SLC35F4: variants seen among roughly 807,000 people sequenced by gnomAD.
SLC35F4 encodes the protein solute carrier family 35 member F4, also known as chromosome 14 open reading frame 36.
Under a neutral mutation model 44.2 loss-of-function variants are expected in SLC35F4, and 24 were observed. That is an observed-to-expected ratio of 0.54 (90% CI 0.39 to 0.76). The LOEUF (loss-of-function observed/expected upper bound fraction) is 0.76, where lower values mean the gene tolerates loss of function less well. Ranked by LOEUF, SLC35F4 falls within the 30% of genes least tolerant of loss-of-function variation. SLC35F4 has a pLI of 0.00. For missense variants in SLC35F4, 562 were observed against 586.1 expected (o/e 0.96, Z 0.42); for synonymous variants, 238 against 223.6 (o/e 1.06, Z -0.57).
At chr14:57,600,705 A>AC (rs1348731117) in intron 1 of SLC35F4, among the ~76,000 whole-genome samples, 46 of 148,176 alleles carry the variant, frequency 3.1e-4, no homozygotes, top group African/African-American at 1.1e-3. Context: ...AAAAAAAAAA[A>AC]AAAAAAAAAA....
chr14:57,618,700 C>G (rs923270759), intron 1 of SLC35F4, among the ~76,000 whole-genome samples: 6 of 152,208 alleles, frequency 3.9e-5, no homozygotes, highest in Admixed American at 3.9e-4. Flanking sequence ...ACCACTCACT[C>G]CCCTGGAAAG....
In SLC35F4 at chr14:57,672,125, A is replaced by G. The variant is rs573521653; in HGVS notation, c.104-78001T>C. On this transcript the variant is annotated intron_variant, in intron 1 of 7. Coordinates refer to ENST00000556826, the MANE Select transcript of SLC35F4 (RefSeq NM_001306087.2). Reference sequence around the variant, plus strand: ...CAATGATTTACTTTACCCATAGAACATATCAAGAACATTTTCTGAGGTGGA... The same window carrying G: ...CAATGATTTACTTTACCCATAGAACGTATCAAGAACATTTTCTGAGGTGGA... 2.6e-5 allele frequency among the ~76,000 whole-genome samples: 4 copies of G among 152,206 alleles called. No homozygotes were observed. The East Asian group carries it at 5.8e-4, about 22-fold the overall frequency.
At chr14:57,755,006 G>A (rs2076964083) in intron 1 of SLC35F4, among the ~76,000 whole-genome samples, 2 of 152,146 alleles carry the variant, frequency 1.3e-5, no homozygotes, top group Non-Finnish European at 2.9e-5. Context: ...AGGGAGCCCG[G>A]GCCCAGCAAT....
Position 57,705,240 on chromosome 14 carries a change from C to A in SLC35F4, c.104-111116G>T, listed in dbSNP as rs866940302. Among the ~76,000 whole-genome samples, 3 of 152,000 alleles carry A rather than the reference C, an allele frequency of 2.0e-5. No homozygotes were observed. In the East Asian group the frequency reaches 5.8e-4, roughly 29 times the overall value. On this transcript the variant is annotated intron_variant, in intron 1 of 7. Coordinates refer to ENST00000556826, the MANE Select transcript of SLC35F4 (RefSeq NM_001306087.2). ...GAATCAAACCTACTGCAAATGGAATCAAAAAGATCTTATTTTACTCAATAA... is the reference window on the plus strand; with the variant it reads ...GAATCAAACCTACTGCAAATGGAATAAAAAAGATCTTATTTTACTCAATAA...
chr14:57,644,461 G>GTT (rs36133820), intron 1 of SLC35F4, among the ~76,000 whole-genome samples: 40 of 148,548 alleles, frequency 2.7e-4, no homozygotes, highest in Middle Eastern at 3.4e-3. Flanking sequence ...TTTTTGATGG[G>GTT]TTTTTTTTTT....
intron 1 of SLC35F4, among the ~76,000 whole-genome samples, chr14:57,725,978 A>G (rs2140453180): frequency 6.6e-6 from 1 of 152,304 alleles, no homozygotes; most frequent in East Asian, 1.9e-4. Flanking sequence ...TGCCTCCAGG[A>G]GACACAACAA....
intron 1 of SLC35F4, among the ~76,000 whole-genome samples, chr14:57,594,473 A>AT (rs11415016): frequency 0.42 from 63,914 of 151,984 alleles, 13,841 homozygotes; most frequent in Admixed American, 0.49. Flanking sequence ...TAATGAGCTT[A>AT]TTCAAATTCT....
rs572054640 is a variant in SLC35F4, at chr14:57,947,140, T to C, written n.282+34773A>G. 2.0e-4 allele frequency among the ~76,000 whole-genome samples: 31 copies of C among 152,330 alleles called. 1 individual carries two copies. In the South Asian group the frequency reaches 6.0e-3, roughly 30 times the overall value. Reference sequence around the variant, plus strand: ...TGGGATATGTTTCCATTTGTTTGTATCATTTATGATTTCTTTCAGCAGTGT... The same window carrying C: ...TGGGATATGTTTCCATTTGTTTGTACCATTTATGATTTCTTTCAGCAGTGT... On this transcript the variant is annotated intron_variant and non_coding_transcript_variant, in intron 1 of 1. Coordinates refer to the SLC35F4 transcript ENST00000556568.
intron 1 of SLC35F4, among the ~76,000 whole-genome samples, chr14:57,899,887 G>A (rs766021507): frequency 1.2e-4 from 18 of 152,106 alleles, no homozygotes; most frequent in Non-Finnish European, 2.1e-4. Context: ...GTGGTAGAAA[G>A]GTTTATTGTG....
chr14:57,897,800 T>A (rs1199519707), intron 1 of SLC35F4, among the ~76,000 whole-genome samples: 1 of 152,194 alleles, frequency 6.6e-6, no homozygotes, highest in Non-Finnish European at 1.5e-5. Context: ...TGCTTCTAAA[T>A]GTAGCCCCCA....
At chr14:57,636,875 A>G (rs2073036795) in intron 1 of SLC35F4, among the ~76,000 whole-genome samples, 1 of 152,156 alleles carries the variant, frequency 6.6e-6, no homozygotes, top group South Asian at 2.1e-4. Context: ...CTAGGCCAAC[A>G]GAGCCCTCTT....
At chr14:57,742,212 C>G (rs1403836802) in intron 1 of SLC35F4, among the ~76,000 whole-genome samples, 2 of 152,210 alleles carry the variant, frequency 1.3e-5, no homozygotes, top group African/African-American at 4.8e-5. Flanking sequence ...GGATCAAATT[C>G]ACACATAACA....
intron 7 of SLC35F4, among the ~76,000 whole-genome samples, chr14:57,565,646 C>T (rs567783752): frequency 1.5e-4 from 23 of 152,332 alleles, no homozygotes; most frequent in African/African-American, 5.1e-4. Context: ...GAATATCTTA[C>T]AGCCACTGGA....
At position 57,916,274 on chromosome 14, in the gene SLC35F4, C is replaced by T. The variant is rs190076777; in HGVS notation, n.282+65639G>A. Reference sequence around the variant, plus strand: ...CCCATTAATCTATTGATGAGGGCAGCGCCATCACAACCTAATCAGCTCTTA... The same window carrying T: ...CCCATTAATCTATTGATGAGGGCAGTGCCATCACAACCTAATCAGCTCTTA... On this transcript the variant is annotated intron_variant and non_coding_transcript_variant, in intron 1 of 1. Transcript: ENST00000556568. Among the ~76,000 whole-genome samples the T allele has an allele frequency of 1.6e-3, 244 of 152,290 alleles. 1 individual carries two copies. In the Middle Eastern group the frequency reaches 0.017, roughly 11 times the overall value.
chr14:57,615,783 T>C (rs1296870408), intron 1 of SLC35F4, among the ~76,000 whole-genome samples: 2 of 124,876 alleles, frequency 1.6e-5, no homozygotes, highest in African/African-American at 2.8e-5. Context: ...AAATTGATCC[T>C]CTTTACAAAA....
At chr14:57,646,052 A>T (rs557134015) in intron 1 of SLC35F4, among the ~76,000 whole-genome samples, 1 of 152,142 alleles carries the variant, frequency 6.6e-6, no homozygotes, top group Admixed American at 6.6e-5. Context: ...TTTTTGTACC[A>T]ATGTTCATCA....
At chr14:57,862,540 C>T (rs1887769310) in intron 1 of SLC35F4, among the ~76,000 whole-genome samples, 1 of 152,210 alleles carries the variant, frequency 6.6e-6, no homozygotes, top group Non-Finnish European at 1.5e-5. Context: ...CCCAATTGTT[C>T]ACTCCACTTC....
At chr14:57,878,916 G>A (rs1350170998) in intron 1 of SLC35F4, among the ~76,000 whole-genome samples, 2 of 152,058 alleles carry the variant, frequency 1.3e-5, no homozygotes, top group African/African-American at 2.4e-5. Flanking sequence ...CCTTCTTTAA[G>A]AAACAACAAG....
At chr14:57,946,052 T>A (rs1890020729) in intron 1 of SLC35F4, among the ~76,000 whole-genome samples, 1 of 152,188 alleles carries the variant, frequency 6.6e-6, no homozygotes, top group African/African-American at 2.4e-5. Flanking sequence ...AGTTTGCAAA[T>A]AATTTCTCCC....
Sources: allele counts gnomAD v4.1 joint callset (sites outside exome capture counted in the v4.1 genomes callset), GRCh38; gene constraint gnomAD v4.1.1; transcripts MANE v1.5; gene names NCBI Gene and HGNC (gene_info 2026-07-23, HGNC 2026-07-21).